ADH5: variants seen among roughly 807,000 people sequenced by gnomAD.
ADH5 encodes the protein alcohol dehydrogenase class-3.
Under a neutral mutation model 40.3 loss-of-function variants are expected in ADH5, and 32 were observed. The ratio of observed to expected loss-of-function variants is 0.79; its 90% CI spans 0.60 to 1.07. ADH5 has a LOEUF of 1.07. Ranked by LOEUF, ADH5 falls within the 50% of genes least tolerant of loss-of-function variation. The pLI, the probability that ADH5 is intolerant of heterozygous loss-of-function variation, is 0.00. For missense variants in ADH5, 353 were observed against 460.5 expected, an observed-to-expected ratio of 0.77 and a Z score of 2.14; for synonymous variants, 125 against 154.3, an observed-to-expected ratio of 0.81 and a Z score of 1.41.
chr4:99,074,825 A>T, intron 7 of ADH5, 89 bp downstream of exon 7: 1 of 1,407,898 alleles, frequency 7.1e-7, no homozygotes, highest in Non-Finnish European at 9.5e-7. Flanking sequence ...GATTCTTGTT[A>T]ATATAAAAAA....
At chr4:99,083,853 A>G (rs1480302144) in intron 2 of ADH5, among the ~76,000 whole-genome samples, 7 of 152,158 alleles carry the variant, frequency 4.6e-5, no homozygotes, top group African/African-American at 1.7e-4. Context: ...TGCTAAACAC[A>G]TGAAGTTTTC....
chr4:99,078,254 G>T (rs958659126), intron 4 of ADH5, among the ~76,000 whole-genome samples: 1 of 152,012 alleles, frequency 6.6e-6, no homozygotes. Flanking sequence ...ACTATAATTT[G>T]ATGTATACTC....
In ADH5 at chr4:99,075,031, A is replaced by G; in HGVS notation, c.844T>C (p.Cys282Arg). The G allele has an allele frequency of 6.2e-7, 1 of 1,612,170 alleles. No individual in the cohort carries two copies. The highest frequency in any genetic ancestry group is 1.3e-5 in the African/African-American group (1 of 75,034). ...VKVMRAALEA[C>R]HKGWGVSVVV... ...ACGCTGACGCCCCAGCCCTTGTGAC[A>G]TGCCTCAAGTGCTGCTCTCTGCAGG... The change falls in exon 7 of 9, where the codon TGT (cysteine) becomes CGT (arginine). Residue 282 changes from cysteine to arginine, a missense_variant. Cys to Arg is a radical substitution (Grantham distance 180, BLOSUM62 -3). Transcript: ENST00000296412.
Position 99,088,678 on chromosome 4 carries a change from A to G in ADH5, c.12+11T>C, listed in dbSNP as rs1157808079. On this transcript the variant is annotated intron_variant, in intron 1 of 8. Coordinates refer to ENST00000296412, the MANE Select transcript of ADH5 (RefSeq NM_000671.4). Reference sequence around the variant, plus strand: ...CCTTGGACTCAGGGCCCTCCGCTCAACGGGCCCTACCTCGTTCGCCATGTT... The same window carrying G: ...CCTTGGACTCAGGGCCCTCCGCTCAGCGGGCCCTACCTCGTTCGCCATGTT... 1 of 1,605,092 alleles carries G rather than the reference A, an allele frequency of 6.2e-7. No individual in the cohort carries two copies. Among genetic ancestry groups the G allele is most frequent in the Non-Finnish European group, 8.5e-7 (1 of 1,174,868 alleles).
intron 1 of ADH5, among the ~76,000 whole-genome samples, chr4:99,085,891 T>G (rs973145150): frequency 6.6e-6 from 1 of 152,060 alleles, no homozygotes; most frequent in African/African-American, 2.4e-5. Context: ...AAAAATTAGC[T>G]GGGCATGGTG....
intron 6 of ADH5, 104 bp from the exon 7 acceptor site, chr4:99,075,153 C>G (rs947254506): frequency 1.0e-6 from 1 of 984,836 alleles, no homozygotes; most frequent in African/African-American, 1.7e-5. Flanking sequence ...AAGATAATGG[C>G]AACAAAAGGC....
At chr4:99,085,030 A>C (rs1728107073) in intron 2 of ADH5, 85 bp downstream of exon 2, 1 of 606,556 alleles carries the variant, frequency 1.6e-6, no homozygotes, top group African/African-American at 1.9e-5. Context: ...TTTGGGATTT[A>C]TCCTCTGCAG....
At chr4:99,082,171 G>A (rs1728038895) in intron 2 of ADH5, 55 bp from the exon 3 acceptor site, 1 of 1,548,386 alleles carries the variant, frequency 6.5e-7, no homozygotes, top group Non-Finnish European at 8.8e-7. Context: ...CAATTCAGAG[G>A]TACAGATACA....
chr4:99,081,044 G>A (rs1444772427), intron 4 of ADH5, among the ~76,000 whole-genome samples: 1 of 152,154 alleles, frequency 6.6e-6, no homozygotes, highest in Non-Finnish European at 1.5e-5. Context: ...CAGCTGCAAG[G>A]TCACTAGACA....
rs150986232 is a variant in ADH5 at position 99,076,140 on chromosome 4, T to C, written c.825+152A>G. 2.8e-5 allele frequency: 20 copies of C among 718,648 alleles called. 1 individual carries two copies. The East Asian group carries it at 4.6e-4, about 17-fold the overall frequency. 44.5% of individuals were successfully genotyped at this position (718,648 alleles called of 1,614,324 possible). A position where few individuals can be genotyped will look rare whatever the true frequency, so the allele number is the denominator to read the frequency against. ...TGAGCTGTTCTTGTATCATTTCCCA[T>C]TGTAGTTCAAATAGATATTTTCCCC... On this transcript the variant is annotated intron_variant, in intron 6 of 8. Transcript: ENST00000296412.
At chr4:99,079,032 A>G (rs1382889387) in intron 4 of ADH5, among the ~76,000 whole-genome samples, 1 of 152,250 alleles carries the variant, frequency 6.6e-6, no homozygotes, top group East Asian at 1.9e-4. Flanking sequence ...TAATTTTGTC[A>G]ATGGCATTAT....
intron 6 of ADH5, 107 bp from the exon 7 acceptor site, chr4:99,075,156 C>A: frequency 2.1e-6 from 2 of 958,950 alleles, no homozygotes; most frequent in South Asian, 3.0e-5. Flanking sequence ...ATAATGGCAA[C>A]AAAAGGCCAA....
Position 99,074,897 on chromosome 4 carries a change from C to T in ADH5, c.961+17G>A. ...CTAACAAAAGAGAAAATGCAGTCAT[C>T]TCATCCATCGAATTACCTCCAAAGG... On this transcript the variant is annotated intron_variant, in intron 7 of 8. Transcript: ENST00000296412. 17 of 1,590,540 alleles carry T rather than the reference C, an allele frequency of 1.1e-5. No homozygotes were observed. Among genetic ancestry groups the T allele is most frequent in the Non-Finnish European group, 1.5e-5 (17 of 1,166,490 alleles).
chr4:99,082,458 T>C (rs1728044156), intron 2 of ADH5, among the ~76,000 whole-genome samples: 2 of 152,232 alleles, frequency 1.3e-5, no homozygotes, highest in Admixed American at 6.5e-5. Flanking sequence ...AACCATCGCC[T>C]GTGTGCAAAA....
rs1407254689 is a variant in ADH5, at chr4:99,071,104, ACTC to A, written c.*1310_*1312del. 4 of 152,210 alleles carry A rather than the reference ACTC, an allele frequency of 2.6e-5. No individual in the cohort carries two copies. Among genetic ancestry groups the A allele is most frequent in the African/African-American group, 4.8e-5 (2 of 41,440 alleles). The allele number at this position is 152,210 out of a possible 1,614,324, so 9.4% of individuals were successfully genotyped here. ...AATGATTGATGTCTAGAATAAAAGA[ACTC>A]CTAAAAATTATTCAGAGAAAAATAA... On this transcript the variant is annotated 3_prime_UTR_variant, in exon 9 of 9. Coordinates refer to ENST00000296412, the MANE Select transcript of ADH5 (RefSeq NM_000671.4).
intron 7 of ADH5, among the ~76,000 whole-genome samples, chr4:99,073,319 C>T (rs1369861479): frequency 1.3e-5 from 2 of 152,204 alleles, no homozygotes; most frequent in African/African-American, 2.4e-5. Flanking sequence ...GCTGGGACTA[C>T]AGGCGCCTGC....
Position 99,085,098 on chromosome 4 carries a change from C to T in ADH5, c.114+17G>A. The T allele has an allele frequency of 1.4e-6, 2 of 1,404,396 alleles. No homozygotes were observed. The highest frequency in any genetic ancestry group is 1.9e-6 in the Non-Finnish European group (2 of 1,052,386). The allele number at this position is 1,404,396 out of a possible 1,614,324, so 87.0% of individuals were successfully genotyped here. A position where few individuals can be genotyped will look rare whatever the true frequency, so the allele number is the denominator to read the frequency against. Reference sequence around the variant, plus strand: ...ATTGTGTCTCTTTTTTTCCCAGTGCCTTAAATGTATCATTACCTTGATTCG... The same window carrying T: ...ATTGTGTCTCTTTTTTTCCCAGTGCTTTAAATGTATCATTACCTTGATTCG... On this transcript the variant is annotated intron_variant, in intron 2 of 8. Transcript: ENST00000296412.
intron 2 of ADH5, among the ~76,000 whole-genome samples, chr4:99,083,600 CAAAAAAAAAAAAAA>C (rs6148593): frequency 9.4e-5 from 8 of 85,230 alleles, no homozygotes; most frequent in Admixed American, 2.3e-4. Flanking sequence ...ACTCTGTCTC[CAAAAAAAAAAAAAA>C]AAAAAAAAAA....
At chr4:99,080,630 A>G (rs1036386488) in intron 4 of ADH5, 1 of 152,374 alleles carries the variant, frequency 6.6e-6, no homozygotes, top group Admixed American at 6.5e-5. Flanking sequence ...TCAGTTGCAC[A>G]ATTAGGCAGA....
Sources: gnomAD v4.1 joint callset for allele counts (sites outside exome capture counted in the v4.1 genomes callset) on GRCh38, gnomAD v4.1.1 for gene constraint, MANE v1.5 for transcripts, NCBI Gene and HGNC (gene_info 2026-07-23, HGNC 2026-07-21) for gene names.